Variants in N4BP2L2 observed in about 807,000 individuals in gnomAD.
N4BP2L2 encodes NEDD4 binding protein 2 like 2, also known as NEDD4-binding protein 2-like 2.
Under a neutral mutation model 56.2 loss-of-function variants are expected in N4BP2L2, and 50 were observed. The observed-to-expected ratio is 0.89, with a 90% CI of 0.71 to 1.13. The LOEUF (loss-of-function observed/expected upper bound fraction) is 1.13. Among genes scored for constraint, N4BP2L2 ranks in the 50% most tolerant of loss-of-function variants. The pLI, the probability that N4BP2L2 is intolerant of heterozygous loss-of-function variation, is 0.00. For synonymous variants in N4BP2L2, 203 were observed against 223.6 expected (o/e 0.91, Z 0.82); for missense variants, 689 against 693.8 (o/e 0.99, Z 0.08).
intron 6 of N4BP2L2, among the ~76,000 whole-genome samples, chr13:32,445,250 G>GAATAAATAAATA (rs35170916): frequency 9.8e-4 from 147 of 150,578 alleles, no homozygotes; most frequent in African/African-American, 3.1e-3. Flanking sequence ...GACTCCAACT[G>GAATAAATAAATA]AATAAATAAA....
intron 8 of N4BP2L2, among the ~76,000 whole-genome samples, chr13:32,438,425 T>G (rs1456482062): frequency 6.6e-6 from 1 of 152,158 alleles, no homozygotes; most frequent in Non-Finnish European, 1.5e-5. Flanking sequence ...GGTTTCTATT[T>G]GAAAGCCATA....
At chr13:32,473,416 C>T (rs190214756) in intron 6 of N4BP2L2, among the ~76,000 whole-genome samples, 78 of 152,132 alleles carry the variant, frequency 5.1e-4, no homozygotes, top group Admixed American at 6.5e-5. Flanking sequence ...TGAACATTGA[C>T]TGGATCCTAG....
At chr13:32,446,745 A>C (rs2077110385) in intron 6 of N4BP2L2, among the ~76,000 whole-genome samples, 1 of 152,220 alleles carries the variant, frequency 6.6e-6, no homozygotes, top group Non-Finnish European at 1.5e-5. Flanking sequence ...CAGAAAGACT[A>C]AGGTCTACAA....
Position 32,522,065 on chromosome 13 carries a change from T to C in N4BP2L2, c.1473+117A>G. The C allele has an allele frequency of 2.9e-6, 2 of 684,596 alleles. 1 individual carries two copies. The highest frequency in any genetic ancestry group is 3.6e-5 in the South Asian group (2 of 55,090). The allele number at this position is 684,596 out of a possible 1,614,324, so 42.4% of individuals were successfully genotyped here. A position where few individuals can be genotyped will look rare whatever the true frequency, so the allele number is the denominator to read the frequency against. ...TAAAAACTAAGCAAACCAACAAACCTCTTTAGAAAACAAAGGACAAATGTT... is the reference window on the plus strand; with the variant it reads ...TAAAAACTAAGCAAACCAACAAACCCCTTTAGAAAACAAAGGACAAATGTT... On this transcript the variant is annotated intron_variant, in intron 4 of 5. Coordinates refer to ENST00000267068, the Ensembl canonical transcript of N4BP2L2.
intron 6 of N4BP2L2, among the ~76,000 whole-genome samples, chr13:32,457,586 G>A (rs546704512): frequency 1.2e-4 from 19 of 152,298 alleles, no homozygotes; most frequent in African/African-American, 3.8e-4. Context: ...TCAAAGTGCT[G>A]AAAGAAAAAC....
chr13:32,438,719 T>C (rs756670041), exon 8 of N4BP2L2: 2 of 1,609,294 alleles, frequency 1.2e-6, no homozygotes, highest in African/African-American at 1.3e-5. Flanking sequence ...AACCACATAG[T>C]CATCAGGCAA....
chr13:32,443,261 C>A, exon 7 of N4BP2L2: 1 of 1,613,944 alleles, frequency 6.2e-7, no homozygotes, highest in Non-Finnish European at 8.5e-7. Flanking sequence ...GATGCTGCCA[C>A]CGAAGTGAAG....
intron 6 of N4BP2L2, among the ~76,000 whole-genome samples, chr13:32,463,935 A>AAAAAAC (rs1274613183): frequency 2.0e-5 from 3 of 151,026 alleles, no homozygotes; most frequent in Non-Finnish European, 4.4e-5. Context: ...AAAAAAAAAA[A>AAAAAAC]AAAGGTAAAG....
At chr13:32,450,376 G>A (rs927008325) in intron 6 of N4BP2L2, among the ~76,000 whole-genome samples, 1 of 151,276 alleles carries the variant, frequency 6.6e-6, no homozygotes, top group Admixed American at 6.6e-5. Flanking sequence ...CCAGGCTGGA[G>A]TGCAGTGGCG....
chr13:32,538,480 C>T (rs1056120975), intron 1 of N4BP2L2, 138 bp downstream of exon 1: 5 of 383,968 alleles, frequency 1.3e-5, no homozygotes, highest in African/African-American at 4.4e-5. Flanking sequence ...TCCAGGAATT[C>T]TGGAGGTCTC....
chr13:32,537,114 G>A, intron 1 of N4BP2L2, 87 bp from the exon 2 acceptor site: 1 of 952,268 alleles, frequency 1.1e-6, no homozygotes, highest in South Asian at 2.7e-5. Flanking sequence ...ATTAGACAAA[G>A]ACATTTAAAT....
intron 6 of N4BP2L2, among the ~76,000 whole-genome samples, chr13:32,449,181 ACT>A (rs1231687965): frequency 6.6e-6 from 1 of 152,218 alleles, no homozygotes; most frequent in African/African-American, 2.4e-5. Context: ...TTTTGCTGTC[ACT>A]GTTTAGAACT....
At chr13:32,536,158 G>C in exon 2 of N4BP2L2, 1 of 1,613,836 alleles carries the variant, frequency 6.2e-7, no homozygotes. Flanking sequence ...ATCTCTGAAT[G>C]TTTAAATGAT....
At chr13:32,514,332 A>G (rs961693125) in exon 6 of N4BP2L2, 4 of 152,244 alleles carry the variant, frequency 2.6e-5, no homozygotes, top group Non-Finnish European at 5.9e-5. Context: ...TTACCACAAA[A>G]AAGTAACTTC....
At chr13:32,517,104 G>C (rs9337) in exon 6 of N4BP2L2, 328,907 of 981,310 alleles carry the variant, frequency 0.34, 58,244 homozygotes, top group Non-Finnish European at 0.36. Context: ...AACATTATTA[G>C]AATCACTTTA....
At chr13:32,442,372 A>G in intron 7 of N4BP2L2, 1 of 1,538,554 alleles carries the variant, frequency 6.5e-7, no homozygotes, top group Non-Finnish European at 8.7e-7. Context: ...ACTTTTAGCA[A>G]AAGAAAACAA....
At chr13:32,518,559 G>C (rs1228305266) in intron 5 of N4BP2L2, among the ~76,000 whole-genome samples, 1 of 151,972 alleles carries the variant, frequency 6.6e-6, no homozygotes, top group Non-Finnish European at 1.5e-5. Context: ...ATAATATAAA[G>C]CTTTGATAAA....
chr13:32,505,376 T>C (rs2090767722), downstream of N4BP2L2: 1 of 152,222 alleles, frequency 6.6e-6, no homozygotes, highest in East Asian at 1.9e-4. Flanking sequence ...CACATATCCC[T>C]AATTGCTTTA....
Position 32,514,664 on chromosome 13 carries a change from G to C in N4BP2L2, c.*3138C>G, listed in dbSNP as rs562077023. On this transcript the variant is annotated 3_prime_UTR_variant, in exon 6 of 6. Transcript: ENST00000267068. ...TTAACCCCAACCCCCAAAAAAGACT[G>C]TCTGAATAGAATTTTGATGAAAAAT... 2.0e-5 allele frequency: 3 copies of C among 152,190 alleles called. No individual in the cohort carries two copies. The East Asian group carries it at 5.8e-4, about 29-fold the overall frequency. 9.4% of individuals were successfully genotyped at this position (152,190 alleles called of 1,614,324 possible). A position where few individuals can be genotyped will look rare whatever the true frequency, so the allele number is the denominator to read the frequency against.
Sources: gnomAD v4.1 joint callset for allele counts (sites outside exome capture counted in the v4.1 genomes callset) on GRCh38, gnomAD v4.1.1 for gene constraint, MANE v1.5 for transcripts, NCBI Gene and HGNC (gene_info 2026-07-23, HGNC 2026-07-21) for gene names.